ZW10: variants seen among roughly 807,000 people sequenced by gnomAD.
ZW10 encodes the protein zw10 kinetochore protein, also known as centromere/kinetochore protein zw10 homolog.
In ZW10, 53 loss-of-function variants were observed where a neutral mutation model predicts 87.8. The observed-to-expected ratio is 0.60, with a 90% CI of 0.48 to 0.76. The LOEUF (loss-of-function observed/expected upper bound fraction) is 0.76. Among genes scored for constraint, ZW10 ranks in the 30% least tolerant of loss-of-function variants. ZW10 has a pLI of 0.00. For missense variants in ZW10, 837 were observed against 923.0 expected (o/e 0.91, Z 1.21); for synonymous variants, 312 against 329.2 (o/e 0.95, Z 0.57).
rs1272851289 is a variant in ZW10, at chr11:113,760,343, T to C, written c.446A>G (p.Lys149Arg). ...EEAQKCLKLL[K>R]SRKCFDLKIL... The stretch of plus-strand genomic sequence containing the variant: ...TTTTAAATCAAAGCATTTTCTGGAT[T>C]TTAATAACTTCAAGCATTTCTGTGC... The change falls in exon 5 of 16, where the codon AAA (lysine) becomes AGA (arginine). Residue 149 changes from lysine (K) to arginine (R), a missense_variant. By Grantham distance (26) the Lys-to-Arg change is conservative. Coordinates refer to ENST00000200135, the MANE Select transcript of ZW10 (RefSeq NM_004724.4). 6.2e-7 allele frequency: 1 copy of C among 1,613,942 alleles called. No homozygotes were observed. The highest frequency in any genetic ancestry group is 2.2e-5 in the East Asian group (1 of 44,872).
Position 113,760,554 on chromosome 11 carries a change from T to C in ZW10, c.379A>G (p.Thr127Ala). The stretch of plus-strand genomic sequence containing the variant: ...GCACCAGTGACATACTTCTTCTCTG[T>C]TAATGCACAATTATATTCTTCAATA... ...TAIEEYNCALTEKKYVTGAQR... is the reference protein window; with the variant it reads ...TAIEEYNCALAEKKYVTGAQR... The change falls in exon 4 of 16, where the codon ACA becomes GCA. Residue 127 changes from threonine (T) to alanine (A), a missense_variant. By Grantham distance (58) the Thr-to-Ala change is moderately conservative. Transcript: ENST00000200135. 8 of 1,613,922 alleles carry C rather than the reference T, an allele frequency of 5.0e-6. No individual in the cohort carries two copies. The highest frequency in any genetic ancestry group is 6.8e-6 in the Non-Finnish European group (8 of 1,179,892).
intron 2 of ZW10, among the ~76,000 whole-genome samples, chr11:113,766,259 G>T (rs1953906084): frequency 6.6e-6 from 1 of 152,118 alleles, no homozygotes; most frequent in Non-Finnish European, 1.5e-5. Flanking sequence ...CAGCTACCCA[G>T]GAGGGTGAGG....
chr11:113,738,344 C>G lies in ZW10; in HGVS notation c.1804G>C (p.Glu602Gln). 1 of 1,613,464 alleles carries G rather than the reference C, an allele frequency of 6.2e-7. No homozygotes were observed. The highest frequency in any genetic ancestry group is 8.5e-7 in the Non-Finnish European group (1 of 1,179,722). The change falls in exon 13 of 16, where the codon GAA (glutamate) becomes CAA (glutamine). Residue 602 changes from glutamate (E) to glutamine (Q), a missense_variant. Transcript: ENST00000200135. ...AAGTTCCTAGCACTTGATAATCTTTCCAGAAGTTCACCTTTCTGTGCCCGC... is the reference window on the plus strand; with the variant it reads ...AAGTTCCTAGCACTTGATAATCTTTGCAGAAGTTCACCTTTCTGTGCCCGC... ...QMRAQKGELLERLSSARNFSN... is the reference protein window; with the variant it reads ...QMRAQKGELLQRLSSARNFSN...
chr11:113,752,247 C>G (rs184537064), intron 7 of ZW10, among the ~76,000 whole-genome samples: 2 of 152,272 alleles, frequency 1.3e-5, no homozygotes, highest in East Asian at 1.9e-4. Context: ...TTACGTCACA[C>G]TGCACATGAA....
intron 2 of ZW10, among the ~76,000 whole-genome samples, chr11:113,761,944 A>G (rs756573667): frequency 2.0e-5 from 3 of 152,122 alleles, no homozygotes; most frequent in Non-Finnish European, 4.4e-5. Flanking sequence ...CCTCACTGTG[A>G]TCTGGTTCCT....
Position 113,741,733 on chromosome 11 carries a change from A to G in ZW10, c.1544T>C (p.Ile515Thr), listed in dbSNP as rs760980513. 5.0e-6 allele frequency: 8 copies of G among 1,609,412 alleles called. No homozygotes were observed. Among genetic ancestry groups the G allele is most frequent in the South Asian group, 1.1e-5 (1 of 90,096 alleles). The change falls in exon 11 of 16, where the codon ATC becomes ACC. Residue 515 changes from isoleucine to threonine, a missense_variant. Physicochemically the swap from Ile to Thr is moderately conservative, Grantham distance 89 (BLOSUM62 -1). Coordinates refer to ENST00000200135, the MANE Select transcript of ZW10 (RefSeq NM_004724.4). The part of the protein sequence containing the change: ...AVQLFYSVRN[I>T]FHLFHDVVPT... ...TACAACATCATGGAACAAATGGAAGATATTCCTCACTGAGTAGAAAAGTTG... is the reference window on the plus strand; with the variant it reads ...TACAACATCATGGAACAAATGGAAGGTATTCCTCACTGAGTAGAAAAGTTG...
chr11:113,738,629 G>A (rs574406331), intron 12 of ZW10, among the ~76,000 whole-genome samples: 12 of 152,196 alleles, frequency 7.9e-5, no homozygotes, highest in East Asian at 3.9e-4. Flanking sequence ...CTTAGAGCCC[G>A]AGTCAGCTAA....
At chr11:113,753,789 A>G (rs2134882895) in intron 7 of ZW10, among the ~76,000 whole-genome samples, 1 of 152,348 alleles carries the variant, frequency 6.6e-6, no homozygotes, top group South Asian at 2.1e-4. Context: ...AATCCAGAGC[A>G]AGGCCTTAAC....
At position 113,733,363 on chromosome 11, in the gene ZW10, G is replaced by A. The variant is rs529275653; in HGVS notation, c.*331C>T. ...GAATCTCCCAATTCCTCGTTCCAAA[G>A]CTAGGGCCTGCATTTACAATGTATA... On this transcript the variant is annotated 3_prime_UTR_variant, in exon 16 of 16. Transcript: ENST00000200135. The A allele has an allele frequency of 1.1e-4, 23 of 207,010 alleles. No individual in the cohort carries two copies. In the South Asian group the frequency reaches 2.4e-3, roughly 22 times the overall value. 12.8% of individuals were successfully genotyped at this position (207,010 alleles called of 1,614,324 possible).
chr11:113,733,649 G>A lies in ZW10; in HGVS notation c.*45C>T, dbSNP rs186989077. ...CTTTAAGGGAGTAATTATGCCAAGG[G>A]AAGAATCCACATATTCAAGACATAG... On this transcript the variant is annotated 3_prime_UTR_variant, in exon 16 of 16. Coordinates refer to ENST00000200135, the MANE Select transcript of ZW10 (RefSeq NM_004724.4). The A allele has an allele frequency of 3.1e-6, 5 of 1,612,412 alleles. No individual in the cohort carries two copies. The African/African-American group carries it at 4.0e-5, about 13-fold the overall frequency.
At position 113,738,411 on chromosome 11, in the gene ZW10, G is replaced by A; in HGVS notation, c.1754-17C>T. 4 of 1,602,054 alleles carry A rather than the reference G, an allele frequency of 2.5e-6. No homozygotes were observed. The highest frequency in any genetic ancestry group is 3.4e-6 in the Non-Finnish European group (4 of 1,176,586). ...ATTCTGTCCCTATGATGGAAAAACA[G>A]AATAAAAAATTTTAAAAGCTGCTCA... On this transcript the variant is annotated splice_polypyrimidine_tract_variant and intron_variant, in intron 12 of 15. Transcript: ENST00000200135.
chr11:113,733,555 C>A lies in ZW10; in HGVS notation c.*139G>T. On this transcript the variant is annotated 3_prime_UTR_variant, in exon 16 of 16. Coordinates refer to ENST00000200135, the MANE Select transcript of ZW10 (RefSeq NM_004724.4). ...GCCTCGTACAGGCCAGGAGGTAAGA[C>A]GTTCTTCTGTAAAGTCAAACTTCCA... The A allele has an allele frequency of 8.9e-7, 1 of 1,127,458 alleles. No homozygotes were observed. The allele number at this position is 1,127,458 out of a possible 1,614,324, so 69.8% of individuals were successfully genotyped here. A position where few individuals can be genotyped will look rare whatever the true frequency, so the allele number is the denominator to read the frequency against.
intron 2 of ZW10, among the ~76,000 whole-genome samples, chr11:113,765,413 G>A (rs1174325135): frequency 6.6e-6 from 1 of 152,118 alleles, no homozygotes; most frequent in East Asian, 1.9e-4. Context: ...CCTACCAATG[G>A]AATGTAAACA....
At position 113,759,146 on chromosome 11, in the gene ZW10, T is replaced by A. The variant is rs181514972; in HGVS notation, c.581-440A>T. ...GGGAGTTTGAGACTGCAGTGAACTA[T>A]GATTGAGCTACTGCACTCCAGCCTG... On this transcript the variant is annotated intron_variant, in intron 5 of 15. Transcript: ENST00000200135. Among the ~76,000 whole-genome samples the A allele has an allele frequency of 1.4e-3, 215 of 152,182 alleles. 1 individual carries two copies. The highest frequency in any genetic ancestry group is 2.6e-3 in the Admixed American group (40 of 15,290).
chr11:113,735,144 T>C (rs535402318), intron 15 of ZW10, among the ~76,000 whole-genome samples: 4 of 152,282 alleles, frequency 2.6e-5, no homozygotes, highest in African/African-American at 9.6e-5. Flanking sequence ...TATTCCTTCA[T>C]ATGTATATTT....
intron 7 of ZW10, among the ~76,000 whole-genome samples, chr11:113,749,287 A>G (rs1025935549): frequency 1.3e-5 from 2 of 152,246 alleles, no homozygotes; most frequent in African/African-American, 4.8e-5. Flanking sequence ...ATTGTCCAAT[A>G]TGATAGCCAC....
chr11:113,733,866 GC>G (rs1953519996), intron 15 of ZW10, 52 bp from the exon 16 acceptor site: 3 of 1,524,002 alleles, frequency 2.0e-6, no homozygotes, highest in Middle Eastern at 3.6e-4. Context: ...TGAAGTATAA[GC>G]AAGACTTAAA....
At chr11:113,752,971 G>A (rs986075273) in intron 7 of ZW10, among the ~76,000 whole-genome samples, 1 of 151,892 alleles carries the variant, frequency 6.6e-6, no homozygotes, top group Non-Finnish European at 1.5e-5. Flanking sequence ...GAAAAGACTG[G>A]GTTTTTTTAG....
intron 3 of ZW10, 28 bp from the exon 4 acceptor site, chr11:113,760,618 CATCCTA>C: frequency 1.9e-6 from 3 of 1,547,908 alleles, no homozygotes; most frequent in Non-Finnish European, 2.7e-6. Flanking sequence ...ATATTTTATA[CATCCTA>C]TTATTTCAAG....
Sources: allele counts gnomAD v4.1 joint callset (sites outside exome capture counted in the v4.1 genomes callset), GRCh38; gene constraint gnomAD v4.1.1; transcripts MANE v1.5; gene names NCBI Gene and HGNC (gene_info 2026-07-23, HGNC 2026-07-21).